Variants in CDK9 observed in about 807,000 individuals in gnomAD.
CDK9 encodes cyclin-dependent kinase 9.
A neutral mutation model predicts 39.0 loss-of-function variants in CDK9; 34 were observed. The ratio of observed to expected loss-of-function variants is 0.87; its 90% CI spans 0.66 to 1.16. CDK9 has a LOEUF of 1.16. Ranked by LOEUF, CDK9 falls within the 50% of genes most tolerant of loss-of-function variation. CDK9 has a pLI of 0.00. For missense variants in CDK9, 369 were observed against 503.2 expected (o/e 0.73, Z 2.55); for synonymous variants, 233 against 196.2 (o/e 1.19, Z -1.57).
At chr9:127,788,142 A>C (rs771995185) in intron 4 of CDK9, 29 bp downstream of exon 4, 4 of 1,613,526 alleles carry the variant, frequency 2.5e-6, no homozygotes, top group Non-Finnish European at 3.4e-6. Context: ...AGGAGGACCC[A>C]GGCTTGGGCT....
Position 127,789,054 on chromosome 9 carries a change from C to A in CDK9, c.754-124C>A. On this transcript the variant is annotated intron_variant, in intron 6 of 6. Transcript: ENST00000373264. This position sits in a 1 kb window ranked among gnomAD's most constrained non-coding sequence, Gnocchi z 5.2. ...AGCGGGCACTGCTTCTGGGAGGGGT[C>A]GAGTAGCAGTCTGGGAGCCTCCGAG... 1 of 1,281,438 alleles carries A rather than the reference C, an allele frequency of 7.8e-7. No homozygotes were observed. Among genetic ancestry groups the A allele is most frequent in the Non-Finnish European group, 1.1e-6 (1 of 942,476 alleles). The allele number at this position is 1,281,438 out of a possible 1,614,324, so 79.4% of individuals were successfully genotyped here. A position where few individuals can be genotyped will look rare whatever the true frequency, so the allele number is the denominator to read the frequency against.
In CDK9 at chr9:127,789,495, T is replaced by C. The variant is rs1433140810; in HGVS notation, c.1071T>C (p.Ser357=). ...SQITQQSTNQ[S]RNPATTNQTE... ...TCACCCAGCAGTCCACCAACCAGAG[T>C]CGCAATCCCGCCACCACCAACCAGA... The change falls in exon 7 of 7, where the codon AGT becomes AGC. Residue 357 remains serine, a synonymous_variant. Transcript: ENST00000373264. The surrounding 1 kb of genome is among the most constrained non-coding windows in gnomAD (Gnocchi z 5.2). 5.6e-6 allele frequency: 9 copies of C among 1,613,774 alleles called. No individual in the cohort carries two copies. The highest frequency in any genetic ancestry group is 7.6e-6 in the Non-Finnish European group (9 of 1,179,980).
At chr9:127,788,459 GCTT>G (rs1323638091) in intron 5 of CDK9, 74 bp downstream of exon 5, 12 of 1,543,032 alleles carry the variant, frequency 7.8e-6, no homozygotes, top group Non-Finnish European at 9.6e-6. Flanking sequence ...AACTGCCAGG[GCTT>G]CTTGAGCTGC....
rs1829353929 is a variant in CDK9, at chr9:127,787,610, T to TA, written c.265+4dup. 1.2e-6 allele frequency: 2 copies of TA among 1,600,176 alleles called. No individual in the cohort carries two copies. Among genetic ancestry groups the TA allele is most frequent in the Non-Finnish European group, 1.7e-6 (2 of 1,167,490 alleles). On this transcript the variant is annotated splice_region_variant and intron_variant, in intron 3 of 6. Coordinates refer to ENST00000373264, the MANE Select transcript of CDK9 (RefSeq NM_001261.4). ...TGATTGAGATTTGTCGAACCAAAGG[T>TA]AAGTTATTTGGTTCTTACGAGAAGA...
Position 127,786,708 on chromosome 9 carries a change from T to A in CDK9, c.100T>A (p.Phe34Ile), listed in dbSNP as rs1829328270. The change falls in exon 2 of 7, where the codon TTC becomes ATC. Residue 34 changes from phenylalanine to isoleucine, a missense_variant. Phe to Ile is a conservative substitution (Grantham distance 21, BLOSUM62 0). Coordinates refer to ENST00000373264, the MANE Select transcript of CDK9 (RefSeq NM_001261.4). The part of the protein sequence containing the change: ...KIGQGTFGEV[F>I]KARHRKTGQK... Reference sequence around the variant, plus strand: ...CTCCCTTTCCGCCTGCAGGGAGGTGTTCAAGGCCAGGCACCGCAAGACCGG... The same window carrying A: ...CTCCCTTTCCGCCTGCAGGGAGGTGATCAAGGCCAGGCACCGCAAGACCGG... The A allele has an allele frequency of 6.2e-7, 1 of 1,613,500 alleles. No individual in the cohort carries two copies. Among genetic ancestry groups the A allele is most frequent in the Non-Finnish European group, 8.5e-7 (1 of 1,179,864 alleles).
chr9:127,787,461 A>G, intron 2 of CDK9, 57 bp from the exon 3 acceptor site: 1 of 1,225,144 alleles, frequency 8.2e-7, no homozygotes. Flanking sequence ...TACAGACCCC[A>G]GGGCTGGGCT....
chr9:127,788,097 A>G lies in CDK9; in HGVS notation c.416A>G (p.Tyr139Cys). Residue 139 changes from tyrosine (Y) to cysteine (C), a missense_variant, in exon 4 of 7, where the codon TAC (tyrosine) becomes TGC (cysteine). Physicochemically the swap from Tyr to Cys is radical, Grantham distance 194. Coordinates refer to ENST00000373264, the MANE Select transcript of CDK9 (RefSeq NM_001261.4). ...CAGATGCTGCTTAACGGCCTCTACT[A>G]CATCCACAGAAACAAGGTGGGGGCC... is the stretch of plus-strand genomic sequence containing the variant. ...VMQMLLNGLYYIHRNKILHRD... is the reference protein window; with the variant it reads ...VMQMLLNGLYCIHRNKILHRD... 6.2e-7 allele frequency: 1 copy of G among 1,614,194 alleles called. No individual in the cohort carries two copies. The highest frequency in any genetic ancestry group is 8.5e-7 in the Non-Finnish European group (1 of 1,180,038).
At position 127,786,212 on chromosome 9, in the gene CDK9, C is replaced by T. The variant is rs770049111; in HGVS notation, c.64C>T (p.Leu22Phe). 3.1e-6 allele frequency: 5 copies of T among 1,609,396 alleles called. No individual in the cohort carries two copies. Among genetic ancestry groups the T allele is most frequent in the Non-Finnish European group, 4.2e-6 (5 of 1,178,384 alleles). The change falls in exon 1 of 7, where the codon CTC becomes TTC. Residue 22 changes from leucine (L) to phenylalanine (F), a missense_variant. Coordinates refer to ENST00000373264, the MANE Select transcript of CDK9 (RefSeq NM_001261.4). ...TGATGAAGTTTCCAAATACGAGAAG[C>T]TCGCCAAGATCGGCCAAGGCACCTT... ...FCDEVSKYEK[L>F]AKIGQGTFGE...
chr9:127,787,474 GTACTGCGCTCAC>G lies in CDK9; in HGVS notation c.175-42_175-31del, dbSNP rs770058883. The G allele has an allele frequency of 5.0e-6, 7 of 1,394,524 alleles. No individual in the cohort carries two copies. The African/African-American group carries it at 8.5e-5, about 17-fold the overall frequency. 86.4% of individuals were successfully genotyped at this position (1,394,524 alleles called of 1,614,324 possible). On this transcript the variant is annotated intron_variant, in intron 2 of 6. Transcript: ENST00000373264. ...AGTACAGACCCCAGGGCTGGGCTCT[GTACTGCGCTCAC>G]TCTTGACCACTTTCCCCTCTTTCTC...
Position 127,789,750 on chromosome 9 carries a change from G to A in CDK9, c.*207G>A. 1 of 674,082 alleles carries A rather than the reference G, an allele frequency of 1.5e-6. No homozygotes were observed. Among genetic ancestry groups the A allele is most frequent in the East Asian group, 2.9e-5 (1 of 35,052 alleles). The allele number at this position is 674,082 out of a possible 1,614,324, so 41.8% of individuals were successfully genotyped here. A position where few individuals can be genotyped will look rare whatever the true frequency, so the allele number is the denominator to read the frequency against. On this transcript the variant is annotated 3_prime_UTR_variant, in exon 7 of 7. Coordinates refer to ENST00000373264, the MANE Select transcript of CDK9 (RefSeq NM_001261.4). The surrounding 1 kb of genome is among the most constrained non-coding windows in gnomAD (Gnocchi z 5.2). ...CACTGGAGCTGTCTTGTCCTTGCTG[G>A]TTTTCTGGATGGTTCCCAGAGGGTT... is the stretch of plus-strand genomic sequence containing the variant.
chr9:127,789,077 G>C lies in CDK9; in HGVS notation c.754-101G>C. The C allele has an allele frequency of 7.0e-7, 1 of 1,429,064 alleles. No homozygotes were observed. Among genetic ancestry groups the C allele is most frequent in the Admixed American group, 2.3e-5 (1 of 42,958 alleles). The allele number at this position is 1,429,064 out of a possible 1,614,324, so 88.5% of individuals were successfully genotyped here. On this transcript the variant is annotated intron_variant, in intron 6 of 6. Transcript: ENST00000373264. This position sits in a 1 kb window ranked among gnomAD's most constrained non-coding sequence, Gnocchi z 5.2. ...GTCGAGTAGCAGTCTGGGAGCCTCCGAGTGGAGCAGGTATTTTAGTCCTTT... is the reference window on the plus strand; with the variant it reads ...GTCGAGTAGCAGTCTGGGAGCCTCCCAGTGGAGCAGGTATTTTAGTCCTTT...
At chr9:127,788,838 G>GA (rs1564433413) in intron 6 of CDK9, 146 bp downstream of exon 6, 10 of 832,600 alleles carry the variant, frequency 1.2e-5, no homozygotes, top group Middle Eastern at 2.7e-4. Context: ...GTGTGTGGGA[G>GA]AAAAAAACAC....
chr9:127,786,096 C>G lies in CDK9; in HGVS notation c.-53C>G. On this transcript the variant is annotated 5_prime_UTR_variant, in exon 1 of 7. Coordinates refer to ENST00000373264, the MANE Select transcript of CDK9 (RefSeq NM_001261.4). ...AGTGCGGCGGCGGCGGGACCCGGAG[C>G]AGGAGCGGCGGCAGCAGCGACTGGG... The G allele has an allele frequency of 1.9e-5, 27 of 1,407,232 alleles. No individual in the cohort carries two copies. Among genetic ancestry groups the G allele is most frequent in the East Asian group, 2.6e-5 (1 of 38,766 alleles). The allele number at this position is 1,407,232 out of a possible 1,614,324, so 87.2% of individuals were successfully genotyped here. A position where few individuals can be genotyped will look rare whatever the true frequency, so the allele number is the denominator to read the frequency against.
chr9:127,789,069 G>A lies in CDK9; in HGVS notation c.754-109G>A. 1 of 1,392,770 alleles carries A rather than the reference G, an allele frequency of 7.2e-7. No individual in the cohort carries two copies. The highest frequency in any genetic ancestry group is 9.6e-7 in the Non-Finnish European group (1 of 1,038,216). 86.3% of individuals were successfully genotyped at this position (1,392,770 alleles called of 1,614,324 possible). On this transcript the variant is annotated intron_variant, in intron 6 of 6. Transcript: ENST00000373264. This position sits in a 1 kb window ranked among gnomAD's most constrained non-coding sequence, Gnocchi z 5.2. ...TGGGAGGGGTCGAGTAGCAGTCTGGGAGCCTCCGAGTGGAGCAGGTATTTT... is the reference window on the plus strand; with the variant it reads ...TGGGAGGGGTCGAGTAGCAGTCTGGAAGCCTCCGAGTGGAGCAGGTATTTT...
chr9:127,786,597 C>A, intron 1 of CDK9, 104 bp from the exon 2 acceptor site: 1 of 1,064,406 alleles, frequency 9.4e-7, no homozygotes, highest in Non-Finnish European at 1.4e-6. Context: ...AGCCCAGCCC[C>A]GCCCGGGAAT....
rs1039495073 is a variant in CDK9 at position 127,789,823 on chromosome 9, A to G, written c.*280A>G. 9.3e-6 allele frequency: 4 copies of G among 429,218 alleles called. No individual in the cohort carries two copies. Among genetic ancestry groups the G allele is most frequent in the Non-Finnish European group, 1.7e-5 (4 of 236,564 alleles). 26.6% of individuals were successfully genotyped at this position (429,218 alleles called of 1,614,324 possible). A position where few individuals can be genotyped will look rare whatever the true frequency, so the allele number is the denominator to read the frequency against. ...TCGCCCACCAGTGACTTTTTCTAAG[A>G]GCTCCCGGCGTGGTGGAAGAGGGGA... On this transcript the variant is annotated 3_prime_UTR_variant, in exon 7 of 7. Coordinates refer to ENST00000373264, the MANE Select transcript of CDK9 (RefSeq NM_001261.4). This position sits in a 1 kb window ranked among gnomAD's most constrained non-coding sequence, Gnocchi z 5.2.
At position 127,789,908 on chromosome 9, in the gene CDK9, G is replaced by A. The variant is rs1238198570; in HGVS notation, c.*365G>A. 1 of 237,816 alleles carries A rather than the reference G, an allele frequency of 4.2e-6. No individual in the cohort carries two copies. Among genetic ancestry groups the A allele is most frequent in the Admixed American group, 5.2e-5 (1 of 19,192 alleles). 14.7% of individuals were successfully genotyped at this position (237,816 alleles called of 1,614,324 possible). The stretch of plus-strand genomic sequence containing the variant: ...GCTGAGAACCCTGCGTGGGGACAGG[G>A]CTCGCCTCAGGAATGGGCTGTTTTT... On this transcript the variant is annotated 3_prime_UTR_variant, in exon 7 of 7. Coordinates refer to ENST00000373264, the MANE Select transcript of CDK9 (RefSeq NM_001261.4). This position sits in a 1 kb window ranked among gnomAD's most constrained non-coding sequence, Gnocchi z 5.2.
In CDK9 at chr9:127,786,369, C is replaced by T. The variant is rs1210292293; in HGVS notation, c.92+129C>T. 26 of 792,718 alleles carry T rather than the reference C, an allele frequency of 3.3e-5. No homozygotes were observed. In the Admixed American group the frequency reaches 5.9e-4, roughly 18 times the overall value. The allele number at this position is 792,718 out of a possible 1,614,324, so 49.1% of individuals were successfully genotyped here. ...CCGGGCTTGCCTGCTGGTCTCTAGG[C>T]CGCGCCGCACCCCGCCCCGGCCTGA... On this transcript the variant is annotated intron_variant, in intron 1 of 6. Coordinates refer to ENST00000373264, the MANE Select transcript of CDK9 (RefSeq NM_001261.4).
intron 6 of CDK9, 80 bp downstream of exon 6, chr9:127,788,772 C>T (rs1213075762): frequency 9.4e-6 from 13 of 1,389,396 alleles, no homozygotes; most frequent in Middle Eastern, 3.7e-4. Flanking sequence ...ATGGAAGGAG[C>T]GCTCCTCTCT....
Sources: gnomAD v4.1 joint callset for allele counts on GRCh38, gnomAD v4.1.1 for gene constraint, Gnocchi (gnomAD v3.1) non-coding constraint, MANE v1.5 for transcripts, NCBI Gene and HGNC (gene_info 2026-07-23, HGNC 2026-07-21) for gene names.